WWC2: variants seen among roughly 807,000 people sequenced by gnomAD.
WWC2 encodes protein WWC2.
WWC2 carries 101 observed loss-of-function variants against 138.5 expected under a neutral mutation model. The ratio of observed to expected loss-of-function variants is 0.73; its 90% CI spans 0.62 to 0.86. The LOEUF (loss-of-function observed/expected upper bound fraction) is 0.86, where lower values mean the gene tolerates loss of function less well. WWC2 is among the 40% of genes least tolerant of loss of function. The pLI is 0.00. For missense variants in WWC2, 1,420 were observed against 1,419.4 expected (o/e 1.00, Z -0.01); for synonymous variants, 558 against 538.4 (o/e 1.04, Z -0.50).
chr4:183,234,714 G>A (rs1415870103), intron 4 of WWC2, among the ~76,000 whole-genome samples: 1 of 152,054 alleles, frequency 6.6e-6, no homozygotes, highest in African/African-American at 2.4e-5. Flanking sequence ...GTATCTAGTA[G>A]TGTAGTTTGA....
Position 183,248,734 on chromosome 4 carries a change from G to A in WWC2, c.753G>A (p.Glu251=), listed in dbSNP as rs780169085. ...DLMQSLAKLQ[E]RFHLDQNIGR... ...AACAGAGTCTTGCTAAGCTGCAGGA[G>A]CGGTTTCATTTGGATCAGAACATTG... Residue 251 remains glutamate (E), a synonymous_variant, in exon 7 of 23, where the codon GAG becomes GAA. Transcript: ENST00000403733. The A allele has an allele frequency of 4.4e-6, 7 of 1,601,246 alleles. No homozygotes were observed. The highest frequency in any genetic ancestry group is 1.1e-5 in the South Asian group (1 of 88,646).
At position 183,261,233 on chromosome 4, in the gene WWC2, C is replaced by T. The variant is rs770612349; in HGVS notation, c.1610C>T (p.Ala537Val). ...AAATGHTPPL[A>V]EAPKSVASLS... ...GCAACAGGCCACACTCCTCCACTGG[C>T]TGAGGCCCCGAAGTCTGTGGCCTCC... Residue 537 changes from alanine (A) to valine (V), a missense_variant, in exon 11 of 23, where the codon GCT (alanine) becomes GTT (valine). Physicochemically the swap from Ala to Val is moderately conservative, Grantham distance 64. Transcript: ENST00000403733. The T allele has an allele frequency of 1.7e-5, 27 of 1,612,712 alleles. No individual in the cohort carries two copies. The highest frequency in any genetic ancestry group is 1.2e-5 in the Non-Finnish European group (14 of 1,179,502).
chr4:183,260,517 T>C (rs748305014), intron 10 of WWC2, among the ~76,000 whole-genome samples: 2 of 152,214 alleles, frequency 1.3e-5, no homozygotes, highest in Admixed American at 6.5e-5. Flanking sequence ...GTGCTTTTTC[T>C]AGTTTAGCTA....
chr4:183,294,267 C>A (rs1738559774), intron 21 of WWC2, among the ~76,000 whole-genome samples: 1 of 151,980 alleles, frequency 6.6e-6, no homozygotes, highest in Admixed American at 6.6e-5. Flanking sequence ...AATGGAATTC[C>A]AAGCAGAATA....
intron 1 of WWC2, among the ~76,000 whole-genome samples, chr4:183,106,784 A>G (rs889832184): frequency 2.0e-5 from 3 of 152,134 alleles, no homozygotes; most frequent in Non-Finnish European, 4.4e-5. Flanking sequence ...ACTTAATAAT[A>G]TTCGATTGTG....
At chr4:183,101,416 CAATT>C (rs140433523) in intron 1 of WWC2, among the ~76,000 whole-genome samples, 12 of 152,242 alleles carry the variant, frequency 7.9e-5, no homozygotes, top group African/African-American at 1.4e-4. Context: ...ACTGGATAAA[CAATT>C]CATTGGATAG....
intron 21 of WWC2, among the ~76,000 whole-genome samples, chr4:183,302,485 C>G (rs889520595): frequency 6.6e-5 from 10 of 152,164 alleles, no homozygotes; most frequent in African/African-American, 2.4e-4. Flanking sequence ...TACCCACCAC[C>G]TTTAGACCTT....
intron 21 of WWC2, among the ~76,000 whole-genome samples, chr4:183,311,340 T>C (rs1739209582): frequency 6.6e-6 from 1 of 152,152 alleles, no homozygotes; most frequent in African/African-American, 2.4e-5. Flanking sequence ...CAACTACATA[T>C]AACAGCGTGT....
chr4:183,282,923 G>A lies in WWC2; in HGVS notation c.2883+17G>A. ...CCAACACTGGTGACTATTCCGCTGT[G>A]CTGTCTTAAAACTGATACCTTACAG... On this transcript the variant is annotated intron_variant, in intron 18 of 22. Transcript: ENST00000403733. 1.3e-6 allele frequency: 2 copies of A among 1,559,468 alleles called. No homozygotes were observed. The highest frequency in any genetic ancestry group is 1.7e-6 in the Non-Finnish European group (2 of 1,151,534).
At chr4:183,150,500 A>G (rs924000197) in intron 1 of WWC2, among the ~76,000 whole-genome samples, 14 of 152,176 alleles carry the variant, frequency 9.2e-5, no homozygotes, top group Admixed American at 3.9e-4. Context: ...TGATGTCATT[A>G]TATAGTATTA....
intron 1 of WWC2, among the ~76,000 whole-genome samples, chr4:183,169,859 T>C (rs1734228690): frequency 1.3e-5 from 2 of 152,226 alleles, no homozygotes; most frequent in South Asian, 4.1e-4. Context: ...TGTAAAATTA[T>C]GTTTTCATTG....
At chr4:183,206,373 CCT>C (rs572997185) in intron 2 of WWC2, among the ~76,000 whole-genome samples, 251 of 152,056 alleles carry the variant, frequency 1.7e-3, no homozygotes, top group Middle Eastern at 3.4e-3. Context: ...CAAATTATCC[CCT>C]GTTTGTGTTT....
Position 183,117,623 on chromosome 4 carries a change from C to CT in WWC2, c.131+18014dup, listed in dbSNP as rs150384991. The stretch of plus-strand genomic sequence containing the variant: ...TACCACAAACATGTAAATTACAAAG[C>CT]TTTTTTTTTTTTTGTTTAAAACACT... On this transcript the variant is annotated intron_variant, in intron 1 of 22. Coordinates refer to ENST00000403733, the MANE Select transcript of WWC2 (RefSeq NM_024949.6). 8.2e-3 allele frequency among the ~76,000 whole-genome samples: 1,155 copies of CT among 141,264 alleles called. 10 individuals carry two copies. Among genetic ancestry groups the CT allele is most frequent in the African/African-American group, 0.026 (1,017 of 38,636 alleles). 92.7% of individuals were successfully genotyped at this position (141,264 alleles called of 152,430 possible). A position where few individuals can be genotyped will look rare whatever the true frequency, so the allele number is the denominator to read the frequency against.
chr4:183,269,546 G>C (rs1448843826), intron 15 of WWC2: 3 of 475,378 alleles, frequency 6.3e-6, no homozygotes, highest in Non-Finnish European at 1.3e-5. Flanking sequence ...CCTGATGAAA[G>C]ATTGGTTATG....
In WWC2 at chr4:183,319,195, C is replaced by T. The variant is rs187009320; in HGVS notation, c.*3466C>T. On this transcript the variant is annotated 3_prime_UTR_variant, in exon 23 of 23. Coordinates refer to ENST00000403733, the MANE Select transcript of WWC2 (RefSeq NM_024949.6). ...CCTCAGGCTTATTATACTAGGTTAT[C>T]TTAAACACCTGAAATAAGTAAATGA... 26 of 181,512 alleles carry T rather than the reference C, an allele frequency of 1.4e-4. No homozygotes were observed. In the East Asian group the frequency reaches 3.3e-3, roughly 23 times the overall value. The allele number at this position is 181,512 out of a possible 1,614,324, so 11.2% of individuals were successfully genotyped here.
At chr4:183,129,043 A>C (rs562555952) in intron 1 of WWC2, among the ~76,000 whole-genome samples, 1 of 152,182 alleles carries the variant, frequency 6.6e-6, no homozygotes, top group African/African-American at 2.4e-5. Context: ...ACATAAGCAA[A>C]GAGTGTGACC....
chr4:183,238,565 C>T (rs1736505731), intron 4 of WWC2, among the ~76,000 whole-genome samples: 1 of 152,170 alleles, frequency 6.6e-6, no homozygotes, highest in Non-Finnish European at 1.5e-5. Context: ...TGTAATCCAG[C>T]CACAGTGGCA....
At chr4:183,309,062 T>A (rs1739126402) in intron 21 of WWC2, among the ~76,000 whole-genome samples, 1 of 152,162 alleles carries the variant, frequency 6.6e-6, no homozygotes, top group Non-Finnish European at 1.5e-5. Context: ...TATAGACCCT[T>A]CTGCACCCTT....
chr4:183,154,800 A>G (rs1201211026), intron 1 of WWC2, among the ~76,000 whole-genome samples: 2 of 152,166 alleles, frequency 1.3e-5, no homozygotes, highest in African/African-American at 4.8e-5. Context: ...CCGTATAGCC[A>G]ATGACAGTAT....
Sources: gnomAD v4.1 joint callset for allele counts (sites outside exome capture counted in the v4.1 genomes callset) on GRCh38, gnomAD v4.1.1 for gene constraint, MANE v1.5 for transcripts, NCBI Gene and HGNC (gene_info 2026-07-23, HGNC 2026-07-21) for gene names.